The following FKTN variants were observed in gnomAD, a reference collection of about 807,000 sequenced individuals.
FKTN encodes ribitol-5-phosphate transferase FKTN.
Under a neutral mutation model 58.6 loss-of-function variants are expected in FKTN, and 47 were observed. That is an observed-to-expected ratio of 0.80 (90% CI 0.63 to 1.02). The LOEUF (loss-of-function observed/expected upper bound fraction) is 1.02. Among genes scored for constraint, FKTN ranks in the 50% least tolerant of loss-of-function variants. The pLI is 0.00. For missense variants in FKTN, 516 were observed against 537.3 expected, an observed-to-expected ratio of 0.96 and a Z score of 0.39; for synonymous variants, 178 against 191.9, an observed-to-expected ratio of 0.93 and a Z score of 0.60.
At chr9:105,581,387 A>G (rs1442821311) in intron 3 of FKTN, among the ~76,000 whole-genome samples, 5 of 148,330 alleles carry the variant, frequency 3.4e-5, no homozygotes, top group African/African-American at 1.0e-4. Flanking sequence ...CTTCTAACAG[A>G]CAGGACCCTC....
At position 105,617,881 on chromosome 9, in the gene FKTN, G is replaced by T. The variant is rs1831111240; in HGVS notation, c.911-78G>T. The T allele has an allele frequency of 7.4e-6, 7 of 940,138 alleles. No individual in the cohort carries two copies. In the South Asian group the frequency reaches 1.1e-4, roughly 15 times the overall value. 58.2% of individuals were successfully genotyped at this position (940,138 alleles called of 1,614,324 possible). ...TTAAAAAAAAAGAAAAAAAATCCTTGTTACAAATATAATTTGTTATAATAA... is the reference window on the plus strand; with the variant it reads ...TTAAAAAAAAAGAAAAAAAATCCTTTTTACAAATATAATTTGTTATAATAA... On this transcript the variant is annotated intron_variant, in intron 8 of 10. Coordinates refer to ENST00000357998, the MANE Select transcript of FKTN (RefSeq NM_001079802.2).
intron 10 of FKTN, among the ~76,000 whole-genome samples, chr9:105,634,488 GT>G (rs1400846930): frequency 6.6e-6 from 1 of 152,074 alleles, no homozygotes; most frequent in Non-Finnish European, 1.5e-5. Context: ...AATAAATATA[GT>G]TACAATCATT....
At chr9:105,632,913 C>T (rs1356694235) in intron 10 of FKTN, among the ~76,000 whole-genome samples, 2 of 152,086 alleles carry the variant, frequency 1.3e-5, no homozygotes, top group Non-Finnish European at 2.9e-5. Context: ...CTTTAAAAGC[C>T]AAGGTAACAT....
intron 10 of FKTN, among the ~76,000 whole-genome samples, chr9:105,631,192 C>G (rs1285050512): frequency 6.6e-6 from 1 of 152,004 alleles, no homozygotes; most frequent in Non-Finnish European, 1.5e-5. Context: ...TAACAAAAAC[C>G]TAGAGTGAGC....
rs759936979 is a variant in FKTN at position 105,635,235 on chromosome 9, G to A, written c.1357G>A (p.Glu453Lys). 5.7e-5 allele frequency: 92 copies of A among 1,614,024 alleles called. No homozygotes were observed. The highest frequency in any genetic ancestry group is 7.6e-5 in the Non-Finnish European group (90 of 1,180,002). Residue 453 changes from glutamate to lysine, a missense_variant, in exon 11 of 11, where the codon GAG becomes AAG. Coordinates refer to ENST00000357998, the MANE Select transcript of FKTN (RefSeq NM_001079802.2). ...VQPNGIWPIS[E>K]WDEVIQLY ...ACCCAATGGAATCTGGCCTATTTCT[G>A]AGTGGGATGAGGTTATCCAGTTATA...
In FKTN at chr9:105,638,011, A is replaced by G. The variant is rs1230398720; in HGVS notation, c.*2747A>G. ...TGCCAGTATCCCCACAAAACAAGTT[A>G]AAACTTAAGTGAAAATCATTCTGCT... On this transcript the variant is annotated 3_prime_UTR_variant, in exon 11 of 11. Coordinates refer to ENST00000357998, the MANE Select transcript of FKTN (RefSeq NM_001079802.2). 7 of 984,852 alleles carry G rather than the reference A, an allele frequency of 7.1e-6. No homozygotes were observed. Among genetic ancestry groups the G allele is most frequent in the African/African-American group, 1.7e-5 (1 of 57,234 alleles). 61.0% of individuals were successfully genotyped at this position (984,852 alleles called of 1,614,324 possible). A position where few individuals can be genotyped will look rare whatever the true frequency, so the allele number is the denominator to read the frequency against.
Position 105,565,109 on chromosome 9 carries a change from G to C in FKTN, c.-181+6944G>C, listed in dbSNP as rs76217084. Among the ~76,000 whole-genome samples, 44 of 152,232 alleles carry C rather than the reference G, an allele frequency of 2.9e-4. 1 individual carries two copies. Among genetic ancestry groups the C allele is most frequent in the South Asian group, 1.9e-3 (9 of 4,820 alleles). On this transcript the variant is annotated intron_variant, in intron 1 of 10. Coordinates refer to ENST00000357998, the MANE Select transcript of FKTN (RefSeq NM_001079802.2). ...AGACAAGCAAATGCTGAGAGATTTT[G>C]TCACCACCAGGCCTGCCCTAAAAGA... is the stretch of plus-strand genomic sequence containing the variant.
chr9:105,612,436 T>C (rs1234883051), intron 7 of FKTN, among the ~76,000 whole-genome samples: 1 of 152,170 alleles, frequency 6.6e-6, no homozygotes, highest in East Asian at 1.9e-4. Flanking sequence ...CAATTTCTTT[T>C]GGCATCTTCA....
At chr9:105,594,398 C>T (rs1826366841) in intron 3 of FKTN, among the ~76,000 whole-genome samples, 1 of 152,042 alleles carries the variant, frequency 6.6e-6, no homozygotes, top group African/African-American at 2.4e-5. Flanking sequence ...AGTTAATACA[C>T]AAGGGGAATG....
intron 3 of FKTN, among the ~76,000 whole-genome samples, chr9:105,585,341 C>G (rs1046092019): frequency 6.6e-6 from 1 of 152,198 alleles, no homozygotes; most frequent in Non-Finnish European, 1.5e-5. Context: ...GAGAGAATCC[C>G]TCTGAGCCCA....
intron 1 of FKTN, among the ~76,000 whole-genome samples, chr9:105,565,781 A>G (rs573827216): frequency 2.7e-4 from 41 of 152,252 alleles, no homozygotes; most frequent in African/African-American, 9.4e-4. Context: ...ATTGAACTCA[A>G]CTCTGCAGCA....
intron 6 of FKTN, among the ~76,000 whole-genome samples, chr9:105,606,868 CA>C (rs1171839061): frequency 1.3e-5 from 2 of 150,394 alleles, no homozygotes; most frequent in South Asian, 2.1e-4. Flanking sequence ...TCAAAATGAC[CA>C]AAAAAAATGA....
Position 105,636,600 on chromosome 9 carries a change from AATGAT to A in FKTN, c.*1339_*1343del. The A allele has an allele frequency of 9.7e-6, 11 of 1,139,172 alleles. No individual in the cohort carries two copies. Among genetic ancestry groups the A allele is most frequent in the Non-Finnish European group, 1.0e-5 (9 of 897,626 alleles). 70.6% of individuals were successfully genotyped at this position (1,139,172 alleles called of 1,614,324 possible). On this transcript the variant is annotated 3_prime_UTR_variant, in exon 11 of 11. Coordinates refer to ENST00000357998, the MANE Select transcript of FKTN (RefSeq NM_001079802.2). ...CCCCATCTCTCTCTTATATCACTTG[AATGAT>A]ATATTGTAAGTGAGAGGTAAAGGAA...
intron 3 of FKTN, among the ~76,000 whole-genome samples, chr9:105,588,079 A>G (rs1036598451): frequency 2.6e-5 from 4 of 152,230 alleles, no homozygotes; most frequent in African/African-American, 9.6e-5. Context: ...ATAATTAATG[A>G]TCATGCTGAA....
chr9:105,630,894 G>A (rs1833346656), intron 10 of FKTN, among the ~76,000 whole-genome samples: 1 of 152,134 alleles, frequency 6.6e-6, no homozygotes, highest in South Asian at 2.1e-4. Context: ...AACATTTAGG[G>A]AGGCCGAGGC....
At chr9:105,566,362 C>T (rs1417570844) in intron 1 of FKTN, among the ~76,000 whole-genome samples, 2 of 152,028 alleles carry the variant, frequency 1.3e-5, no homozygotes, top group Admixed American at 1.3e-4. Context: ...AATTCAGGAG[C>T]TGGTTTTTTG....
chr9:105,566,995 A>G lies in FKTN; in HGVS notation c.-180-6660A>G, dbSNP rs146286827. Among the ~76,000 whole-genome samples the G allele has an allele frequency of 9.2e-3, 1,405 of 152,306 alleles. 19 individuals carry two copies. Among genetic ancestry groups the G allele is most frequent in the African/African-American group, 0.032 (1,328 of 41,564 alleles). ...AGGATGCAAGGCTGGTTCAACATAC[A>G]TAAATCAGTAAATGTAATCCAACAT... On this transcript the variant is annotated intron_variant, in intron 1 of 10. Coordinates refer to ENST00000357998, the MANE Select transcript of FKTN (RefSeq NM_001079802.2).
intron 3 of FKTN, among the ~76,000 whole-genome samples, chr9:105,582,582 G>A (rs1399236253): frequency 6.6e-6 from 1 of 152,144 alleles, no homozygotes; most frequent in Non-Finnish European, 1.5e-5. Context: ...GACCTCTAAT[G>A]TCCCTAGCTC....
At chr9:105,571,717 T>C (rs1471303869) in intron 1 of FKTN, among the ~76,000 whole-genome samples, 1 of 152,194 alleles carries the variant, frequency 6.6e-6, no homozygotes, top group Non-Finnish European at 1.5e-5. Flanking sequence ...TAATGCACTG[T>C]TTAATACAAG....
Sources: allele counts gnomAD v4.1 joint callset (sites outside exome capture counted in the v4.1 genomes callset), GRCh38; gene constraint gnomAD v4.1.1; transcripts MANE v1.5; gene names NCBI Gene and HGNC (gene_info 2026-07-23, HGNC 2026-07-21).